CDK14: variants seen among roughly 807,000 people sequenced by gnomAD.
The protein encoded by CDK14 is cyclin dependent kinase 14, also known as cyclin-dependent kinase 14.
A neutral mutation model predicts 60.7 loss-of-function variants in CDK14; 34 were observed. The observed-to-expected ratio is 0.56, with a 90% CI of 0.43 to 0.75. The LOEUF (loss-of-function observed/expected upper bound fraction) is 0.75. CDK14 is among the 30% of genes least tolerant of loss of function. CDK14 has a pLI of 0.00. For synonymous variants in CDK14, 197 were observed against 203.7 expected (o/e 0.97, Z 0.28); for missense variants, 482 against 564.1 (o/e 0.85, Z 1.47).
At chr7:90,697,329 G>A (rs1306026778) in intron 2 of CDK14, among the ~76,000 whole-genome samples, 1 of 152,072 alleles carries the variant, frequency 6.6e-6, no homozygotes, top group Non-Finnish European at 1.5e-5. Flanking sequence ...GTCATTGAAC[G>A]AGATAGCACT....
At chr7:91,066,979 G>A (rs566349344) in intron 11 of CDK14, among the ~76,000 whole-genome samples, 89 of 152,246 alleles carry the variant, frequency 5.8e-4, no homozygotes, top group African/African-American at 2.1e-3. Context: ...TTTAAATAAT[G>A]ACATTCTAAA....
chr7:90,722,351 GCACCA>G (rs1802488536), intron 2 of CDK14, among the ~76,000 whole-genome samples: 2 of 151,966 alleles, frequency 1.3e-5, no homozygotes, highest in Non-Finnish European at 2.9e-5. Context: ...CTACAGGTGT[GCACCA>G]CCACACCCGC....
intron 2 of CDK14, among the ~76,000 whole-genome samples, chr7:90,674,750 T>C (rs993260770): frequency 6.6e-6 from 1 of 152,118 alleles, no homozygotes; most frequent in Non-Finnish European, 1.5e-5. Context: ...AGTGACACCC[T>C]TGCCTCCCCC....
intron 4 of CDK14, among the ~76,000 whole-genome samples, chr7:90,766,294 C>T (rs575201366): frequency 6.6e-5 from 10 of 151,900 alleles, no homozygotes; most frequent in Admixed American, 1.3e-4. Context: ...ATTTTTTTCA[C>T]CTGTGAAAAC....
chr7:91,202,665 C>A lies in CDK14; in HGVS notation c.*29-4500C>A, dbSNP rs115619207. ...ATTGAAAATTGAAGCTGATGCTGCT[C>A]AAGGAGGGAGAAGGGACATCCCGTG... is the stretch of plus-strand genomic sequence containing the variant. On this transcript the variant is annotated intron_variant, in intron 14 of 14. Coordinates refer to ENST00000380050, the MANE Select transcript of CDK14 (RefSeq NM_001287135.2). Among the ~76,000 whole-genome samples the A allele has an allele frequency of 7.4e-3, 1,124 of 152,230 alleles. 13 individuals carry two copies. The highest frequency in any genetic ancestry group is 0.026 in the African/African-American group (1,063 of 41,552).
intron 10 of CDK14, among the ~76,000 whole-genome samples, chr7:91,042,861 T>G (rs1018766948): frequency 6.6e-6 from 1 of 152,246 alleles, no homozygotes; most frequent in Non-Finnish European, 1.5e-5. Context: ...AAATCTGGCA[T>G]CAGAGACCAT....
intron 2 of CDK14, among the ~76,000 whole-genome samples, chr7:90,667,815 C>T (rs1214011941): frequency 6.6e-6 from 1 of 152,148 alleles, no homozygotes; most frequent in African/African-American, 2.4e-5. Flanking sequence ...GTGATCCGCC[C>T]GCCTCTGCCT....
At chr7:91,185,311 G>A (rs1802138075) in intron 14 of CDK14, among the ~76,000 whole-genome samples, 1 of 112,452 alleles carries the variant, frequency 8.9e-6, no homozygotes, top group South Asian at 2.9e-4. Flanking sequence ...ATCATGCCCT[G>A]CTTGGTCGAT....
At chr7:90,779,574 T>TC (rs1169883196) in intron 4 of CDK14, among the ~76,000 whole-genome samples, 2 of 152,294 alleles carry the variant, frequency 1.3e-5, no homozygotes, top group South Asian at 2.1e-4. Context: ...ATGCATATTG[T>TC]ATTCTTTAAA....
At chr7:90,705,421 T>C (rs182886777) in intron 2 of CDK14, among the ~76,000 whole-genome samples, 2 of 152,248 alleles carry the variant, frequency 1.3e-5, no homozygotes, top group East Asian at 3.9e-4. Flanking sequence ...TAAAAAATTG[T>C]TTGGCCCCAC....
intron 2 of CDK14, among the ~76,000 whole-genome samples, chr7:90,629,239 A>C (rs148770356): frequency 1.3e-5 from 2 of 152,364 alleles, no homozygotes; most frequent in Non-Finnish European, 2.9e-5. Context: ...GAATTTTAGT[A>C]GTTCACAAAC....
chr7:90,650,309 GT>G (rs567417007), intron 2 of CDK14, among the ~76,000 whole-genome samples: 1 of 151,836 alleles, frequency 6.6e-6, no homozygotes, highest in African/African-American at 2.4e-5. Flanking sequence ...GGGGTCGTTT[GT>G]TTTTTTCTTG....
intron 10 of CDK14, among the ~76,000 whole-genome samples, chr7:91,004,553 T>G (rs1795928302): frequency 6.6e-6 from 1 of 152,152 alleles, no homozygotes; most frequent in African/African-American, 2.4e-5. Context: ...AAATTTTGGA[T>G]TTTGAAGGAG....
intron 9 of CDK14, among the ~76,000 whole-genome samples, chr7:90,970,663 C>T (rs1222116810): frequency 6.6e-6 from 1 of 152,216 alleles, no homozygotes; most frequent in Non-Finnish European, 1.5e-5. Context: ...GAGGCCTTCT[C>T]AAAGGTACCT....
intron 12 of CDK14, among the ~76,000 whole-genome samples, chr7:91,097,263 C>T (rs1799020553): frequency 6.6e-6 from 1 of 151,872 alleles, no homozygotes; most frequent in Non-Finnish European, 1.5e-5. Flanking sequence ...CACTTGTAAT[C>T]CCAGCTACTT....
At chr7:90,923,337 C>T (rs923406579) in intron 8 of CDK14, among the ~76,000 whole-genome samples, 2 of 152,146 alleles carry the variant, frequency 1.3e-5, no homozygotes, top group Non-Finnish European at 2.9e-5. Context: ...TCTCGATCTC[C>T]TGACCTCGTG....
chr7:90,779,550 T>C (rs1012315277), intron 4 of CDK14, among the ~76,000 whole-genome samples: 6 of 152,200 alleles, frequency 3.9e-5, no homozygotes, highest in African/African-American at 1.4e-4. Context: ...TTTTCCCTTA[T>C]CACATTTATA....
intron 14 of CDK14, among the ~76,000 whole-genome samples, chr7:91,163,432 C>G (rs1456124910): frequency 6.6e-6 from 1 of 152,100 alleles, no homozygotes; most frequent in African/African-American, 2.4e-5. Context: ...AGTTTGGACT[C>G]AAGGGGAAAA....
At chr7:90,780,723 A>G (rs1321093858) in intron 4 of CDK14, among the ~76,000 whole-genome samples, 4 of 152,022 alleles carry the variant, frequency 2.6e-5, no homozygotes, top group Non-Finnish European at 5.9e-5. Flanking sequence ...CCCTACAAAG[A>G]ACATGAACTC....
Sources: gnomAD v4.1 joint callset for allele counts (sites outside exome capture counted in the v4.1 genomes callset) on GRCh38, gnomAD v4.1.1 for gene constraint, MANE v1.5 for transcripts, NCBI Gene and HGNC (gene_info 2026-07-23, HGNC 2026-07-21) for gene names.